Variants in TMEM11 observed in about 807,000 individuals in gnomAD.
TMEM11 encodes transmembrane protein 11, mitochondrial.
In TMEM11, 1 loss-of-function variant was observed where a neutral mutation model predicts 17.0. The observed-to-expected ratio is 0.06, with a 90% CI of 0.02 to 0.28. The LOEUF (loss-of-function observed/expected upper bound fraction) is 0.28. Among genes scored for constraint, TMEM11 ranks in the 10% least tolerant of loss-of-function variants. The probability of loss-of-function intolerance (pLI) is 1.00; values close to 1 mark genes in which losing one functional copy is unlikely to be tolerated. For missense variants in TMEM11, 172 were observed against 252.9 expected (o/e 0.68, Z 2.17); for synonymous variants, 122 against 118.1 (o/e 1.03, Z -0.21).
rs2144311618 is a variant in TMEM11, at chr17:21,210,818, C to G, written c.62+3273G>C. The stretch of plus-strand genomic sequence containing the variant: ...TTCGCGCTAAACCTGAACTTTTAGC[C>G]CCGTGCATCTGGCCCTCTGCACACC... On this transcript the variant is annotated intron_variant, in intron 1 of 1. Transcript: ENST00000317635. 5.8e-6 allele frequency: 6 copies of G among 1,033,448 alleles called. No individual in the cohort carries two copies. The South Asian group carries it at 9.9e-5, about 17-fold the overall frequency. The allele number at this position is 1,033,448 out of a possible 1,614,324, so 64.0% of individuals were successfully genotyped here.
intron 1 of TMEM11, 98 bp downstream of exon 1, chr17:21,213,993 A>C: frequency 8.5e-7 from 1 of 1,182,362 alleles, no homozygotes; most frequent in Non-Finnish European, 1.2e-6. Flanking sequence ...AGCGCGGGGA[A>C]ACCAGGGAAG....
intron 1 of TMEM11, among the ~76,000 whole-genome samples, chr17:21,206,061 A>G (rs2144302741): frequency 6.6e-6 from 1 of 151,392 alleles, no homozygotes; most frequent in Non-Finnish European, 1.5e-5. Context: ...GGGGGGGTAT[A>G]TATACCCAGA....
intron 1 of TMEM11, among the ~76,000 whole-genome samples, chr17:21,212,304 T>C (rs1975011318): frequency 6.6e-6 from 1 of 152,136 alleles, no homozygotes; most frequent in South Asian, 2.1e-4. Flanking sequence ...AGGTGCAACC[T>C]GAACACCTAC....
chr17:21,210,165 A>G (rs1385670453), intron 1 of TMEM11, among the ~76,000 whole-genome samples: 1 of 152,250 alleles, frequency 6.6e-6, no homozygotes, highest in Non-Finnish European at 1.5e-5. Flanking sequence ...TCCCTGGAAC[A>G]TGACCTAAAG....
At chr17:21,209,250 A>G (rs1567637269) in intron 1 of TMEM11, among the ~76,000 whole-genome samples, 1 of 152,144 alleles carries the variant, frequency 6.6e-6, no homozygotes, top group African/African-American at 2.4e-5. Flanking sequence ...GGGAGTCGAG[A>G]GGGTGGATTC....
intron 1 of TMEM11, among the ~76,000 whole-genome samples, chr17:21,199,883 G>A (rs1181475179): frequency 6.6e-6 from 1 of 152,200 alleles, no homozygotes; most frequent in East Asian, 1.9e-4. Flanking sequence ...ACAGTAGTGG[G>A]CTCCAAATTT....
intron 1 of TMEM11, among the ~76,000 whole-genome samples, chr17:21,203,380 C>G (rs1974904470): frequency 6.6e-6 from 1 of 152,232 alleles, no homozygotes; most frequent in Non-Finnish European, 1.5e-5. Context: ...GGGTTCAGGT[C>G]TGCACTGCTG....
At chr17:21,201,706 C>T (rs939577045) in intron 1 of TMEM11, among the ~76,000 whole-genome samples, 1 of 151,962 alleles carries the variant, frequency 6.6e-6, no homozygotes, top group Admixed American at 6.6e-5. Flanking sequence ...ATGGCAGCCT[C>T]GACCTCCCGG....
intron 1 of TMEM11, among the ~76,000 whole-genome samples, chr17:21,199,245 T>C (rs1028836975): frequency 7.1e-6 from 1 of 140,866 alleles, no homozygotes; most frequent in Non-Finnish European, 1.5e-5. Flanking sequence ...GAGAATCACT[T>C]GAACCTGGGA....
intron 1 of TMEM11, among the ~76,000 whole-genome samples, chr17:21,202,206 G>A (rs1264954744): frequency 6.6e-6 from 1 of 152,214 alleles, no homozygotes; most frequent in Non-Finnish European, 1.5e-5. Flanking sequence ...AGGTAGGGGT[G>A]GAGGACCAAA....
chr17:21,202,154 C>T (rs991207448), intron 1 of TMEM11, among the ~76,000 whole-genome samples: 2 of 152,212 alleles, frequency 1.3e-5, no homozygotes, highest in Non-Finnish European at 2.9e-5. Context: ...CCCTTCTGGT[C>T]TCAAGTCCAT....
At chr17:21,202,407 C>T (rs944076940) in intron 1 of TMEM11, among the ~76,000 whole-genome samples, 3 of 152,178 alleles carry the variant, frequency 2.0e-5, no homozygotes, top group Admixed American at 6.5e-5. Flanking sequence ...CCCAAATCCA[C>T]CCTAGTGCGG....
At position 21,198,654 on chromosome 17, in the gene TMEM11, C is replaced by T. The variant is rs1974846646; in HGVS notation, c.249G>A (p.Lys83=). 1.2e-6 allele frequency: 2 copies of T among 1,614,008 alleles called. No individual in the cohort carries two copies. Among genetic ancestry groups the T allele is most frequent in the South Asian group, 2.2e-5 (2 of 91,096 alleles). ...RWITVGNCLH[K]TAVLAGTACL... is the part of the protein sequence containing the mutation. The stretch of plus-strand genomic sequence containing the variant: ...AGGCGGTGCCCGCCAGCACGGCCGT[C>T]TTGTGCAGGCAGTTGCCCACGGTGA... Residue 83 remains lysine (K), a synonymous_variant, in exon 2 of 2, where the codon AAG becomes AAA. Coordinates refer to ENST00000317635, the MANE Select transcript of TMEM11 (RefSeq NM_003876.3). This position sits in a 1 kb window ranked among gnomAD's most constrained non-coding sequence, Gnocchi z 6.5.
intron 1 of TMEM11, chr17:21,213,870 G>T: frequency 1.8e-6 from 1 of 550,714 alleles, no homozygotes; most frequent in Non-Finnish European, 3.2e-6. Flanking sequence ...ACCTTACTCA[G>T]CCCGGCTAAC....
At chr17:21,207,442 C>T (rs189276933) in intron 1 of TMEM11, among the ~76,000 whole-genome samples, 100 of 152,100 alleles carry the variant, frequency 6.6e-4, no homozygotes, top group East Asian at 1.9e-4. Flanking sequence ...GCAGGAGAAT[C>T]GCTTGAACCC....
chr17:21,199,093 G>GC (rs1377579058), intron 1 of TMEM11, among the ~76,000 whole-genome samples: 2 of 151,936 alleles, frequency 1.3e-5, no homozygotes, highest in African/African-American at 2.4e-5. Flanking sequence ...AGGCCGGGGG[G>GC]GCGGATCATG....
intron 1 of TMEM11, among the ~76,000 whole-genome samples, chr17:21,202,817 C>T (rs1328051641): frequency 1.3e-5 from 2 of 152,232 alleles, no homozygotes; most frequent in African/African-American, 2.4e-5. Flanking sequence ...CTGTGAATGA[C>T]ACAGCCATAA....
chr17:21,210,008 T>G lies in TMEM11; in HGVS notation c.62+4083A>C, dbSNP rs371436885. On this transcript the variant is annotated intron_variant, in intron 1 of 1. Transcript: ENST00000317635. The stretch of plus-strand genomic sequence containing the variant: ...GTGGCAGTCAGGAGGTTCCCGGGTG[T>G]GCTCGGTCATGGAGTGCTGCCCAAC... Among the ~76,000 whole-genome samples, 62 of 152,220 alleles carry G rather than the reference T, an allele frequency of 4.1e-4. No individual in the cohort carries two copies. The East Asian group carries it at 0.01, about 25-fold the overall frequency.
chr17:21,202,579 C>G (rs982896170), intron 1 of TMEM11, among the ~76,000 whole-genome samples: 14 of 152,236 alleles, frequency 9.2e-5, no homozygotes, highest in Non-Finnish European at 1.5e-4. Context: ...CTCCGGCCCC[C>G]CTGCAAGCCC....
Sources: allele counts gnomAD v4.1 joint callset (sites outside exome capture counted in the v4.1 genomes callset), GRCh38; gene constraint gnomAD v4.1.1; non-coding constraint Gnocchi (gnomAD v3.1); transcripts MANE v1.5; gene names NCBI Gene and HGNC (gene_info 2026-07-23, HGNC 2026-07-21).